ZNF513: variants seen among roughly 807,000 people sequenced by gnomAD.
ZNF513 encodes zinc finger protein 513.
Under a neutral mutation model 39.7 loss-of-function variants are expected in ZNF513, and 16 were observed. The ratio of observed to expected loss-of-function variants is 0.40; its 90% CI spans 0.27 to 0.61. ZNF513 has a LOEUF of 0.61. Among genes scored for constraint, ZNF513 ranks in the 20% least tolerant of loss-of-function variants. ZNF513 has a pLI of 0.39. For missense variants in ZNF513, 699 were observed against 743.6 expected, an observed-to-expected ratio of 0.94 and a Z score of 0.70; for synonymous variants, 348 against 296.5, an observed-to-expected ratio of 1.17 and a Z score of -1.79.
In ZNF513 at chr2:27,377,658, A is replaced by C. The variant is rs754417770; in HGVS notation, c.1513T>G (p.Ser505Ala). 6.2e-7 allele frequency: 1 copy of C among 1,614,126 alleles called. No individual in the cohort carries two copies. Among genetic ancestry groups the C allele is most frequent in the Non-Finnish European group, 8.5e-7 (1 of 1,180,018 alleles). Residue 505 changes from serine to alanine, a missense_variant, in exon 4 of 4, where the codon TCT becomes GCT. Ser to Ala is a moderately conservative substitution (Grantham distance 99). This residue lies in a region of ZNF513 where 71 missense variants were observed against 64.1 expected (regional missense o/e 1.11). Transcript: ENST00000323703. This position sits in a 1 kb window ranked among gnomAD's most constrained non-coding sequence, Gnocchi z 4.4. ...GGTGGGGCCCAGCCCTCAGAGGCAG[A>C]GAGACCAGGCCCTCCTGCCCCACCG... is the stretch of plus-strand genomic sequence containing the variant. ...GHGGAGGPGL[S>A]ASEGWAPPHS...
chr2:27,378,789 G>A lies in ZNF513; in HGVS notation c.477C>T (p.Ser159=). ...LYSCRLCTFV[S]HYSSHLKRHM... is the part of the protein sequence containing the mutation. Reference sequence around the variant, plus strand: ...GCCGCTTCAGGTGGCTCGAGTAGTGGGACACGAAGGTGCAGAGGCGGCATG... The same window carrying A: ...GCCGCTTCAGGTGGCTCGAGTAGTGAGACACGAAGGTGCAGAGGCGGCATG... The change falls in exon 3 of 4, where the codon TCC becomes TCT. Residue 159 remains serine (S), a synonymous_variant. Coordinates refer to ENST00000323703, the MANE Select transcript of ZNF513 (RefSeq NM_144631.6). The surrounding 1 kb of genome is among the most constrained non-coding windows in gnomAD (Gnocchi z 8.0). The A allele has an allele frequency of 5.0e-6, 8 of 1,613,902 alleles. No homozygotes were observed. Among genetic ancestry groups the A allele is most frequent in the Non-Finnish European group, 6.8e-6 (8 of 1,179,894 alleles).
rs750369725 is a variant in ZNF513 at position 27,380,259 on chromosome 2, G to A, written c.56-11C>T. 3.7e-6 allele frequency: 6 copies of A among 1,613,838 alleles called. No homozygotes were observed. Among genetic ancestry groups the A allele is most frequent in the African/African-American group, 2.7e-5 (2 of 74,840 alleles). The stretch of plus-strand genomic sequence containing the variant: ...AGTCTTCAGTATCCACTGAAGAGGG[G>A]AGGGGGCTTGTGGATTCTCCCTCAG... On this transcript the variant is annotated splice_polypyrimidine_tract_variant and intron_variant, in intron 1 of 3. Transcript: ENST00000323703.
At chr2:27,380,053 C>A (rs1317180333) in intron 2 of ZNF513, 40 bp downstream of exon 2, 3 of 1,613,558 alleles carry the variant, frequency 1.9e-6, no homozygotes, top group Non-Finnish European at 2.5e-6. Flanking sequence ...GCTGGGGTCT[C>A]CAGCGGCCGC....
At position 27,380,685 on chromosome 2, in the gene ZNF513, A is replaced by G. The variant is rs945225786; in HGVS notation, c.-159T>C. 1.2e-5 allele frequency: 14 copies of G among 1,211,934 alleles called. No homozygotes were observed. In the African/African-American group the frequency reaches 2.2e-4, roughly 19 times the overall value. 75.1% of individuals were successfully genotyped at this position (1,211,934 alleles called of 1,614,324 possible). A position where few individuals can be genotyped will look rare whatever the true frequency, so the allele number is the denominator to read the frequency against. ...GCCCCCGGCCCTGGCCCCGGCGCCC[A>G]GCTCAGGCCGCTCCCGCCGCCGCCG... On this transcript the variant is annotated 5_prime_UTR_variant, in exon 1 of 4. Coordinates refer to ENST00000323703, the MANE Select transcript of ZNF513 (RefSeq NM_144631.6).
At chr2:27,380,376 C>T in intron 1 of ZNF513, 96 bp downstream of exon 1, 1 of 1,587,730 alleles carries the variant, frequency 6.3e-7, no homozygotes, top group Non-Finnish European at 8.6e-7. Flanking sequence ...CTGGATCGCC[C>T]ACTTCATCCC....
rs1683391064 is a variant in ZNF513 at position 27,377,630 on chromosome 2, T to G, written c.1541A>C (p.His514Pro). 6.2e-7 allele frequency: 1 copy of G among 1,613,982 alleles called. No individual in the cohort carries two copies. The highest frequency in any genetic ancestry group is 8.5e-7 in the Non-Finnish European group (1 of 1,180,028). The change falls in exon 4 of 4, where the codon CAT becomes CCT. Residue 514 changes from histidine (H) to proline (P), a missense_variant. Physicochemically the swap from His to Pro is moderately conservative, Grantham distance 77. Coordinates refer to ENST00000323703, the MANE Select transcript of ZNF513 (RefSeq NM_144631.6). This position sits in a 1 kb window ranked among gnomAD's most constrained non-coding sequence, Gnocchi z 4.4. ...AGAGCTCAAAACAGAGGGTGGGCTA[T>G]GAGGTGGGGCCCAGCCCTCAGAGGC... ...LSASEGWAPP[H>P]SPPSVLSSRG... is the part of the protein sequence containing the mutation.
At position 27,377,616 on chromosome 2, in the gene ZNF513, CAG is replaced by C. The variant is rs1031364100; in HGVS notation, c.1553_1554del (p.Ser518CysfsTer26). On this transcript the variant is annotated frameshift_variant, in exon 4 of 4. Transcript: ENST00000323703. LOFTEE classifies it high-confidence loss of function. This position sits in a 1 kb window ranked among gnomAD's most constrained non-coding sequence, Gnocchi z 4.4. Reference sequence around the variant, plus strand: ...GCTGGTGGGCCCCGAGAGCTCAAAACAGAGGGTGGGCTATGAGGTGGGGCCCA... The same window carrying C: ...GCTGGTGGGCCCCGAGAGCTCAAAACAGGGTGGGCTATGAGGTGGGGCCCA... The part of the protein sequence containing the change: ...EGWAPPHSPP[S>X]VLSSRGPPAL... The C allele has an allele frequency of 4.3e-6, 7 of 1,614,112 alleles. No homozygotes were observed. Among genetic ancestry groups the C allele is most frequent in the East Asian group, 2.2e-5 (1 of 44,882 alleles).
rs1220750340 is a variant in ZNF513, at chr2:27,377,866, A to C, written c.1305T>G (p.Gly435=). 1 of 1,614,160 alleles carries C rather than the reference A, an allele frequency of 6.2e-7. No homozygotes were observed. The highest frequency in any genetic ancestry group is 1.6e-4 in the Middle Eastern group (1 of 6,062). Residue 435 remains glycine (G), a synonymous_variant, in exon 4 of 4, where the codon GGT becomes GGG. Coordinates refer to ENST00000323703, the MANE Select transcript of ZNF513 (RefSeq NM_144631.6). The surrounding 1 kb of genome is among the most constrained non-coding windows in gnomAD (Gnocchi z 4.4). ...CGNLANLKRH[G]RIHSGDKPFR... ...AAGGTTTGTCACCAGAGTGGATGCG[A>C]CCATGACGCTTGAGGTTGGCCAGAT...
Position 27,377,743 on chromosome 2 carries a change from G to A in ZNF513, c.1428C>T (p.Thr476=), listed in dbSNP as rs137883571. ...CCCAGTGGCCCGTGGTATAGGCGCA[G>A]GTGGCACAGCGGAAGGGCTTCTCGC... ...HTGEKPFRCA[T]CAYTTGHWDN... Residue 476 remains threonine, a synonymous_variant, in exon 4 of 4, where the codon ACC becomes ACT. Transcript: ENST00000323703. The surrounding 1 kb of genome is among the most constrained non-coding windows in gnomAD (Gnocchi z 4.4). The A allele has an allele frequency of 1.2e-6, 2 of 1,614,264 alleles. No homozygotes were observed. The highest frequency in any genetic ancestry group is 1.3e-5 in the African/African-American group (1 of 75,072).
In ZNF513 at chr2:27,378,959, C is replaced by T. The variant is rs1313666175; in HGVS notation, c.307G>A (p.Glu103Lys). The T allele has an allele frequency of 6.8e-6, 11 of 1,611,974 alleles. No homozygotes were observed. The highest frequency in any genetic ancestry group is 9.3e-6 in the Non-Finnish European group (11 of 1,179,172). ...GCCTCCCCTGGACCCCTGGCTGGCT[C>T]CTCAACTTCACTCTCCGCACTTAGT... ...RALSAESEVE[E>K]PARGPGEARG... is the part of the protein sequence containing the mutation. The change falls in exon 3 of 4, where the codon GAG becomes AAG. Residue 103 changes from glutamate (E) to lysine (K), a missense_variant. Transcript: ENST00000323703. The surrounding 1 kb of genome is among the most constrained non-coding windows in gnomAD (Gnocchi z 8.0).
intron 1 of ZNF513, 60 bp from the exon 2 acceptor site, chr2:27,380,308 T>G (rs1463029626): frequency 1.2e-6 from 2 of 1,612,910 alleles, no homozygotes; most frequent in Non-Finnish European, 1.7e-6. Flanking sequence ...TGGACCACAC[T>G]TCCCGTACTC....
Position 27,377,501 on chromosome 2 carries a change from G to A in ZNF513, c.*44C>T. The A allele has an allele frequency of 6.2e-7, 1 of 1,604,224 alleles. No individual in the cohort carries two copies. The highest frequency in any genetic ancestry group is 1.7e-5 in the Admixed American group (1 of 60,004). On this transcript the variant is annotated 3_prime_UTR_variant, in exon 4 of 4. Transcript: ENST00000323703. This position sits in a 1 kb window ranked among gnomAD's most constrained non-coding sequence, Gnocchi z 4.4. ...CTGGCCAGCGGGGGAGAAAAAGGTG[G>A]CTTCTGGTCCGTCTGTATAAAACAT...
Position 27,379,073 on chromosome 2 carries a change from G to A in ZNF513, c.212-19C>T, listed in dbSNP as rs956132538. 1.9e-6 allele frequency: 3 copies of A among 1,610,016 alleles called. No homozygotes were observed. The highest frequency in any genetic ancestry group is 2.5e-6 in the Non-Finnish European group (3 of 1,178,030). On this transcript the variant is annotated intron_variant, in intron 2 of 3. Coordinates refer to ENST00000323703, the MANE Select transcript of ZNF513 (RefSeq NM_144631.6). ...GAGTCTCCTGGTGAAATAGACATAAGAAGAGACATCAGCATAGGGTAGGAT... is the reference window on the plus strand; with the variant it reads ...GAGTCTCCTGGTGAAATAGACATAAAAAGAGACATCAGCATAGGGTAGGAT...
chr2:27,378,947 C>T lies in ZNF513; in HGVS notation c.319G>A (p.Gly107Ser), dbSNP rs761165240. Reference protein sequence around the residue: ...AESEVEEPARGPGEARGERPG... With the variant: ...AESEVEEPARSPGEARGERPG... ...CTCTCACCCCTGGCCTCCCCTGGAC[C>T]CCTGGCTGGCTCCTCAACTTCACTC... Residue 107 changes from glycine to serine, a missense_variant, in exon 3 of 4, where the codon GGT becomes AGT. Physicochemically the swap from Gly to Ser is moderately conservative, Grantham distance 56 (BLOSUM62 0). This residue lies in a region of ZNF513 where 530 missense variants were observed against 499.3 expected (regional missense o/e 1.06). Transcript: ENST00000323703. The surrounding 1 kb of genome is among the most constrained non-coding windows in gnomAD (Gnocchi z 8.0). The T allele has an allele frequency of 8.1e-6, 13 of 1,611,682 alleles. No homozygotes were observed. The South Asian group carries it at 1.3e-4, about 16-fold the overall frequency.
rs754478620 is a variant in ZNF513 at position 27,380,142 on chromosome 2, TTCC to T, written c.159_161del (p.Glu54del). 4 of 1,614,078 alleles carry T rather than the reference TTCC, an allele frequency of 2.5e-6. No individual in the cohort carries two copies. Among genetic ancestry groups the T allele is most frequent in the Non-Finnish European group, 3.4e-6 (4 of 1,179,984 alleles). ...TGAGCTGGTCACTGTTGCCGTCGCC[TTCC>T]TCCTCTTCCTCTTCCTCCTCAAACT... On this transcript the variant is annotated inframe_deletion, in exon 2 of 4. Coordinates refer to ENST00000323703, the MANE Select transcript of ZNF513 (RefSeq NM_144631.6).
At position 27,380,459 on chromosome 2, in the gene ZNF513, C is replaced by T. The variant is rs762815269; in HGVS notation, c.55+13G>A. On this transcript the variant is annotated intron_variant, in intron 1 of 3. Transcript: ENST00000323703. ...CCCCCGCTCCTCTCCCCTCAAGGCCCCTGACCCCTGACCTTTGACCCCCTC... is the reference window on the plus strand; with the variant it reads ...CCCCCGCTCCTCTCCCCTCAAGGCCTCTGACCCCTGACCTTTGACCCCCTC... 26 of 1,593,294 alleles carry T rather than the reference C, an allele frequency of 1.6e-5. No homozygotes were observed. In the African/African-American group the frequency reaches 2.2e-4, roughly 13 times the overall value.
At position 27,377,530 on chromosome 2, in the gene ZNF513, G is replaced by A. The variant is rs377145066; in HGVS notation, c.*15C>T. 348 of 1,613,352 alleles carry A rather than the reference G, an allele frequency of 2.2e-4. 1 individual carries two copies. Among genetic ancestry groups the A allele is most frequent in the South Asian group, 1.6e-3 (144 of 91,072 alleles). On this transcript the variant is annotated 3_prime_UTR_variant, in exon 4 of 4. Coordinates refer to ENST00000323703, the MANE Select transcript of ZNF513 (RefSeq NM_144631.6). The surrounding 1 kb of genome is among the most constrained non-coding windows in gnomAD (Gnocchi z 4.4). Reference sequence around the variant, plus strand: ...CTGGTCCGTCTGTATAAAACATGGGGAAGAAGGACCTAGTTCAGGATGAGT... The same window carrying A: ...CTGGTCCGTCTGTATAAAACATGGGAAAGAAGGACCTAGTTCAGGATGAGT...
intron 2 of ZNF513, among the ~76,000 whole-genome samples, chr2:27,379,657 C>CCCT (rs891994330): frequency 2.6e-5 from 4 of 152,138 alleles, no homozygotes; most frequent in African/African-American, 9.7e-5. Context: ...GGAAGAGGGA[C>CCCT]ATGGAAGGAT....
In ZNF513 at chr2:27,378,497, G is replaced by T; in HGVS notation, c.769C>A (p.Gln257Lys). 1 of 1,614,174 alleles carries T rather than the reference G, an allele frequency of 6.2e-7. No individual in the cohort carries two copies. The highest frequency in any genetic ancestry group is 8.5e-7 in the Non-Finnish European group (1 of 1,180,046). Residue 257 changes from glutamine to lysine, a missense_variant, in exon 3 of 4, where the codon CAG becomes AAG. By Grantham distance (53) the Gln-to-Lys change is moderately conservative (BLOSUM62 1). Around this residue, in one of 3 missense-constraint regions of ZNF513, gnomAD observed 530 missense variants for 499.3 expected, o/e 1.06. Coordinates refer to ENST00000323703, the MANE Select transcript of ZNF513 (RefSeq NM_144631.6). The surrounding 1 kb of genome is among the most constrained non-coding windows in gnomAD (Gnocchi z 8.0). ...GGTCGCCGGGGCACCGCCCCCTCCTGCTCTGTGGGACTGGGAGGCCGGGCT... is the reference window on the plus strand; with the variant it reads ...GGTCGCCGGGGCACCGCCCCCTCCTTCTCTGTGGGACTGGGAGGCCGGGCT... The part of the protein sequence containing the change: ...RPARPPSPTE[Q>K]EGAVPRRPED...
Sources: allele counts gnomAD v4.1 joint callset (sites outside exome capture counted in the v4.1 genomes callset), GRCh38; gene constraint gnomAD v4.1.1; regional missense constraint gnomAD v4.1.1; non-coding constraint Gnocchi (gnomAD v3.1); transcripts MANE v1.5; gene names NCBI Gene and HGNC (gene_info 2026-07-23, HGNC 2026-07-21).